Variants in UTRN observed in about 807,000 individuals in gnomAD.
UTRN encodes the protein utrophin.
A neutral mutation model predicts 463.9 loss-of-function variants in UTRN; 283 were observed. That is an observed-to-expected ratio of 0.61 (90% CI 0.55 to 0.67). The LOEUF (loss-of-function observed/expected upper bound fraction) is 0.67. Among genes scored for constraint, UTRN ranks in the 30% least tolerant of loss-of-function variants. The probability of loss-of-function intolerance (pLI) is 0.00; values close to 1 mark genes in which losing one functional copy is unlikely to be tolerated. For missense variants in UTRN, 3,922 were observed against 4,084.3 expected, an observed-to-expected ratio of 0.96 and a Z score of 1.08; for synonymous variants, 1,442 against 1,431.5, an observed-to-expected ratio of 1.01 and a Z score of -0.17.
chr6:144,680,515 A>G (rs531465769), intron 52 of UTRN, among the ~76,000 whole-genome samples: 2 of 152,350 alleles, frequency 1.3e-5, no homozygotes, highest in African/African-American at 4.8e-5. Flanking sequence ...GAATTAAAAT[A>G]ACTTTTACTT....
At chr6:144,517,725 A>C (rs935283306) in intron 39 of UTRN, among the ~76,000 whole-genome samples, 5 of 152,238 alleles carry the variant, frequency 3.3e-5, no homozygotes, top group Non-Finnish European at 7.3e-5. Flanking sequence ...TATAGTATTC[A>C]GTACAATAAC....
At position 144,677,118 on chromosome 6, in the gene UTRN, A is replaced by G. The variant is rs750676316; in HGVS notation, c.7480-1288A>G. On this transcript the variant is annotated intron_variant, in intron 51 of 74. Transcript: ENST00000367545. ...ATTGAACACCTTTTAAAAAATTTCA[A>G]TTTAAGTTCTGGGATACATGTGCTG... Among the ~76,000 whole-genome samples the G allele has an allele frequency of 3.3e-5, 5 of 151,906 alleles. No individual in the cohort carries two copies. In the East Asian group the frequency reaches 7.8e-4, roughly 24 times the overall value.
intron 19 of UTRN, among the ~76,000 whole-genome samples, chr6:144,455,089 A>G (rs1788687023): frequency 6.6e-6 from 1 of 152,190 alleles, no homozygotes; most frequent in African/African-American, 2.4e-5. Flanking sequence ...ACACACAGAA[A>G]CATATATACA....
At chr6:144,641,502 G>A (rs1016706302) in intron 51 of UTRN, among the ~76,000 whole-genome samples, 10 of 152,246 alleles carry the variant, frequency 6.6e-5, no homozygotes, top group African/African-American at 2.4e-4. Flanking sequence ...CTGGAGGGGT[G>A]TAATGAGGCA....
At chr6:144,756,131 G>C (rs982791308) in intron 57 of UTRN, among the ~76,000 whole-genome samples, 8 of 152,108 alleles carry the variant, frequency 5.3e-5, no homozygotes, top group African/African-American at 1.7e-4. Flanking sequence ...TGTTGATGAA[G>C]TAAATAGGTT....
intron 59 of UTRN, 48 bp downstream of exon 59, chr6:144,772,016 G>GTTTTTGTTTTTTTTTTTTTTTTTTTTT (rs1794091518): frequency 8.0e-6 from 1 of 124,972 alleles, no homozygotes; most frequent in Non-Finnish European, 1.5e-5. Flanking sequence ...CTGAGAACCG[G>GTTTTTGTTTTTTTTTTTTTTTTTTTTT]TTTTTTTTTT....
intron 52 of UTRN, among the ~76,000 whole-genome samples, chr6:144,695,249 G>A (rs76386198): frequency 6.6e-6 from 1 of 152,066 alleles, no homozygotes; most frequent in East Asian, 1.9e-4. Flanking sequence ...TTTGACCATG[G>A]TGTGGCCATT....
At chr6:144,542,320 T>C (rs560138442) in intron 45 of UTRN, among the ~76,000 whole-genome samples, 1 of 152,272 alleles carries the variant, frequency 6.6e-6, no homozygotes, top group East Asian at 1.9e-4. Flanking sequence ...TGGGCAGTCT[T>C]TAGCCTCTCA....
intron 26 of UTRN, among the ~76,000 whole-genome samples, chr6:144,481,670 C>T (rs4243471): frequency 1 from 152,382 of 152,386 alleles, 76,189 homozygotes; most frequent in Middle Eastern, 1. Context: ...GGATAACTTA[C>T]GTTAACACTG....
chr6:144,508,226 C>T (rs952794055), intron 34 of UTRN, among the ~76,000 whole-genome samples: 3 of 151,842 alleles, frequency 2.0e-5, no homozygotes, highest in African/African-American at 7.3e-5. Context: ...TGGCTTCAGT[C>T]CCCTTTCCAG....
intron 41 of UTRN, among the ~76,000 whole-genome samples, chr6:144,526,215 A>G (rs564302615): frequency 1.3e-5 from 2 of 152,294 alleles, no homozygotes; most frequent in African/African-American, 4.8e-5. Flanking sequence ...TCTAGGGTAT[A>G]GTTTAATTCC....
chr6:144,839,824 T>A (rs1475490802), intron 72 of UTRN, among the ~76,000 whole-genome samples: 1 of 152,160 alleles, frequency 6.6e-6, no homozygotes, highest in African/African-American at 2.4e-5. Context: ...GTAAACTAGG[T>A]GTTAACCAAT....
chr6:144,793,538 AT>A (rs1412236612), intron 62 of UTRN, among the ~76,000 whole-genome samples: 3 of 152,108 alleles, frequency 2.0e-5, no homozygotes, highest in African/African-American at 7.2e-5. Context: ...TAAAAAGGAA[AT>A]TTGCATTTAT....
At chr6:144,366,661 T>C (rs1033468870) in intron 2 of UTRN, among the ~76,000 whole-genome samples, 2 of 152,232 alleles carry the variant, frequency 1.3e-5, no homozygotes, top group Non-Finnish European at 2.9e-5. Flanking sequence ...GATGGGCATT[T>C]AGGTTGACTC....
chr6:144,630,300 T>C (rs558939013), intron 51 of UTRN, among the ~76,000 whole-genome samples: 47 of 152,234 alleles, frequency 3.1e-4, no homozygotes, highest in Non-Finnish European at 6.3e-4. Flanking sequence ...TTTCATGCTT[T>C]GCTGAGGGCC....
Position 144,820,860 on chromosome 6 carries a change from G to A in UTRN, c.9358-22G>A, listed in dbSNP as rs762449072. 107 of 1,605,180 alleles carry A rather than the reference G, an allele frequency of 6.7e-5. No homozygotes were observed. The East Asian group carries it at 2.4e-3, about 36-fold the overall frequency. On this transcript the variant is annotated intron_variant, in intron 65 of 74. Transcript: ENST00000367545. ...TGCCTTCCATTTTACTGAGAGAAGT[G>A]TAATTGTTTTCAACCTTATAGACAA...
Position 144,337,895 on chromosome 6 carries a change from A to C in UTRN, c.79+45988A>C, listed in dbSNP as rs1176615393. On this transcript the variant is annotated intron_variant, in intron 2 of 74. Transcript: ENST00000367545. ...TTCCTAAAGTGCTGGGATTATAGGCATGAGCCATTGCGCCCAGCCTGGAAT... is the reference window on the plus strand; with the variant it reads ...TTCCTAAAGTGCTGGGATTATAGGCCTGAGCCATTGCGCCCAGCCTGGAAT... 2.6e-5 allele frequency among the ~76,000 whole-genome samples: 4 copies of C among 152,230 alleles called. No homozygotes were observed. The South Asian group carries it at 6.2e-4, about 24-fold the overall frequency.
At chr6:144,795,085 T>C (rs1777092809) in intron 63 of UTRN, among the ~76,000 whole-genome samples, 2 of 152,160 alleles carry the variant, frequency 1.3e-5, no homozygotes. Context: ...TGTGTTCTCA[T>C]TGTTCAACTC....
chr6:144,713,505 T>C (rs996207249), intron 53 of UTRN, among the ~76,000 whole-genome samples: 1 of 151,572 alleles, frequency 6.6e-6, no homozygotes, highest in Non-Finnish European at 1.5e-5. Context: ...TCCCAGCTAC[T>C]TGGGAGGCTG....
Sources: gnomAD v4.1 joint callset for allele counts (sites outside exome capture counted in the v4.1 genomes callset) on GRCh38, gnomAD v4.1.1 for gene constraint, MANE v1.5 for transcripts, NCBI Gene and HGNC (gene_info 2026-07-23, HGNC 2026-07-21) for gene names.